The following EXOC4 variants were observed in gnomAD, a reference collection of about 807,000 sequenced individuals.
EXOC4 encodes SEC8-like 1.
In EXOC4, 71 loss-of-function variants were observed where a neutral mutation model predicts 107.2. The ratio of observed to expected loss-of-function variants is 0.66; its 90% CI spans 0.55 to 0.81. The LOEUF (loss-of-function observed/expected upper bound fraction) is 0.81. Among genes scored for constraint, EXOC4 ranks in the 30% least tolerant of loss-of-function variants. EXOC4 has a pLI of 0.00. For missense variants in EXOC4, 1,108 were observed against 1,189.6 expected, an observed-to-expected ratio of 0.93 and a Z score of 1.01; for synonymous variants, 456 against 441.2, an observed-to-expected ratio of 1.03 and a Z score of -0.42.
chr7:133,987,198 C>T (rs373792054), intron 14 of EXOC4, among the ~76,000 whole-genome samples: 3 of 152,020 alleles, frequency 2.0e-5, no homozygotes, highest in Non-Finnish European at 2.9e-5. Context: ...AGGTTCCTCA[C>T]GCCTGTAATC....
intron 9 of EXOC4, among the ~76,000 whole-genome samples, chr7:133,523,579 C>T (rs930157321): frequency 1.4e-4 from 22 of 152,016 alleles, no homozygotes; most frequent in Admixed American, 1.4e-3. Flanking sequence ...TCTCCCAATG[C>T]TATCCCTCCC....
chr7:133,547,257 G>A (rs539328444), intron 9 of EXOC4, among the ~76,000 whole-genome samples: 30 of 152,204 alleles, frequency 2.0e-4, no homozygotes, highest in African/African-American at 7.0e-4. Flanking sequence ...ATAGCATTAC[G>A]TCTGAAAAAC....
chr7:133,777,212 A>C (rs1250160847), intron 10 of EXOC4, among the ~76,000 whole-genome samples: 2 of 151,758 alleles, frequency 1.3e-5, no homozygotes, highest in Admixed American at 6.6e-5. Context: ...ATTTATCAGA[A>C]CTTCTCCTGA....
chr7:133,537,049 A>C (rs1272963637), intron 9 of EXOC4, among the ~76,000 whole-genome samples: 1 of 152,194 alleles, frequency 6.6e-6, no homozygotes, highest in Non-Finnish European at 1.5e-5. Context: ...ATTTGAGGAC[A>C]ACTGGCATTG....
chr7:133,575,943 C>T (rs1176024836), intron 9 of EXOC4, among the ~76,000 whole-genome samples: 1 of 152,092 alleles, frequency 6.6e-6, no homozygotes, highest in African/African-American at 2.4e-5. Flanking sequence ...GGTAATTGCT[C>T]GTTCTCTTCA....
At chr7:133,706,879 A>T (rs1365346513) in intron 10 of EXOC4, among the ~76,000 whole-genome samples, 1 of 152,092 alleles carries the variant, frequency 6.6e-6, no homozygotes, top group Non-Finnish European at 1.5e-5. Context: ...TTATGACCCC[A>T]TCTGAATCTA....
intron 1 of EXOC4, among the ~76,000 whole-genome samples, chr7:133,273,754 A>C (rs1793927052): frequency 6.6e-6 from 1 of 152,180 alleles, no homozygotes; most frequent in African/African-American, 2.4e-5. Flanking sequence ...TTGCTTGCAA[A>C]TATCTAGAAG....
intron 14 of EXOC4, among the ~76,000 whole-genome samples, chr7:133,972,040 G>A (rs1044283949): frequency 1.3e-5 from 1 of 78,582 alleles, no homozygotes; most frequent in Non-Finnish European, 2.5e-5. Flanking sequence ...TACATCCCAA[G>A]CAAAAACTCT....
At chr7:133,363,621 A>AAAC (rs1563036084) in intron 6 of EXOC4, among the ~76,000 whole-genome samples, 1 of 151,232 alleles carries the variant, frequency 6.6e-6, no homozygotes, top group African/African-American at 2.4e-5. Context: ...AAAAAAAAAA[A>AAAC]AAAAAAAACC....
chr7:133,720,933 G>A (rs1428046774), intron 10 of EXOC4, among the ~76,000 whole-genome samples: 1 of 152,090 alleles, frequency 6.6e-6, no homozygotes, highest in Non-Finnish European at 1.5e-5. Flanking sequence ...TATAATATAG[G>A]AGCCTTCGAT....
intron 7 of EXOC4, among the ~76,000 whole-genome samples, chr7:133,455,359 AC>A (rs1798439038): frequency 6.6e-6 from 1 of 152,036 alleles, no homozygotes; most frequent in South Asian, 2.1e-4. Flanking sequence ...GGTGACTAAA[AC>A]CGTGGAAAGC....
At chr7:133,330,324 C>G (rs144541312) in intron 5 of EXOC4, among the ~76,000 whole-genome samples, 1 of 152,040 alleles carries the variant, frequency 6.6e-6, no homozygotes, top group Non-Finnish European at 1.5e-5. Flanking sequence ...ATGCTGGCAC[C>G]GAGAATTTCA....
At chr7:133,324,686 G>T (rs902168400) in intron 5 of EXOC4, among the ~76,000 whole-genome samples, 1 of 152,172 alleles carries the variant, frequency 6.6e-6, no homozygotes, top group Non-Finnish European at 1.5e-5. Flanking sequence ...TGCATATTCT[G>T]TTGATTTGTG....
At chr7:133,785,601 T>C (rs1796551170) in intron 10 of EXOC4, among the ~76,000 whole-genome samples, 1 of 152,148 alleles carries the variant, frequency 6.6e-6, no homozygotes, top group African/African-American at 2.4e-5. Context: ...CCCCCAAGAA[T>C]GCCATTATTT....
chr7:134,051,190 T>C (rs1034171129), intron 17 of EXOC4, among the ~76,000 whole-genome samples: 2 of 152,186 alleles, frequency 1.3e-5, no homozygotes, highest in African/African-American at 4.8e-5. Context: ...TTTGATCTAC[T>C]GAGAAACCAG....
chr7:133,658,891 A>G (rs1803364372), intron 10 of EXOC4, among the ~76,000 whole-genome samples: 1 of 152,066 alleles, frequency 6.6e-6, no homozygotes, highest in South Asian at 2.1e-4. Context: ...ATATTGTTGC[A>G]AATGATATTG....
intron 11 of EXOC4, among the ~76,000 whole-genome samples, chr7:133,828,410 G>A (rs912394174): frequency 2.0e-5 from 3 of 152,206 alleles, no homozygotes; most frequent in African/African-American, 7.2e-5. Context: ...GTAGGAGCCA[G>A]ATGAGTGTAG....
At chr7:133,265,404 T>TA (rs753338512) in intron 1 of EXOC4, among the ~76,000 whole-genome samples, 70 of 144,136 alleles carry the variant, frequency 4.9e-4, no homozygotes, top group East Asian at 2.0e-3. Flanking sequence ...AGACTCTGTC[T>TA]AAAAAAAAAA....
intron 17 of EXOC4, among the ~76,000 whole-genome samples, chr7:134,012,427 GA>G (rs1414391948): frequency 6.6e-6 from 1 of 152,198 alleles, no homozygotes; most frequent in African/African-American, 2.4e-5. Flanking sequence ...TGAGGAATCA[GA>G]AGTGAACCAA....
Sources: allele counts gnomAD v4.1 joint callset (sites outside exome capture counted in the v4.1 genomes callset), GRCh38; gene constraint gnomAD v4.1.1; transcripts MANE v1.5; gene names NCBI Gene and HGNC (gene_info 2026-07-23, HGNC 2026-07-21).